The following ABCA12 variants were observed in gnomAD, a reference collection of about 807,000 sequenced individuals.
The protein encoded by ABCA12 is glucosylceramide transporter ABCA12.
ABCA12 carries 156 observed loss-of-function variants against 293.5 expected under a neutral mutation model. The ratio of observed to expected loss-of-function variants is 0.53; its 90% confidence interval spans 0.47 to 0.61. The LOEUF (loss-of-function observed/expected upper bound fraction) is 0.61, where lower values mean the gene tolerates loss of function less well. Among genes scored for constraint, ABCA12 ranks in the 20% least tolerant of loss-of-function variants. The probability of loss-of-function intolerance (pLI) is 0.00; values close to 1 mark genes in which losing one functional copy is unlikely to be tolerated. For synonymous variants in ABCA12, 1,063 were observed against 1,108.0 expected (o/e 0.96, Z 0.81); for missense variants, 2,797 against 3,090.2 (o/e 0.91, Z 2.25).
intron 22 of ABCA12, 73 bp downstream of exon 22, chr2:215,000,632 T>G (rs1186172875): frequency 6.4e-7 from 1 of 1,559,018 alleles, no homozygotes; most frequent in Non-Finnish European, 8.8e-7. Flanking sequence ...GTAATACATC[T>G]GAATGAATGG....
At chr2:215,054,228 C>A (rs116975860) in intron 4 of ABCA12, among the ~76,000 whole-genome samples, 1,830 of 152,122 alleles carry the variant, frequency 0.012, 22 homozygotes, top group East Asian at 0.038. Context: ...CTCTGAGATT[C>A]TTTCCAAAAA....
rs1701007599 is a variant in ABCA12 at position 215,036,963 on chromosome 2, G to A, written c.975C>T (p.Ser325=). Residue 325 remains serine (S), a synonymous_variant, in exon 8 of 53, where the codon TCC becomes TCT. Transcript: ENST00000272895. ...ATGGAAATATAATACCTTGAGCTGG[G>A]GAGTCCAGAGTGTACAGCAGATGTT... is the stretch of plus-strand genomic sequence containing the variant. The part of the protein sequence containing the change: ...SVKHLLYTLD[S]PAQGDSDNIT... The A allele has an allele frequency of 6.2e-7, 1 of 1,613,612 alleles. No individual in the cohort carries two copies. Among genetic ancestry groups the A allele is most frequent in the Non-Finnish European group, 8.5e-7 (1 of 1,179,606 alleles).
chr2:214,968,794 T>A lies in ABCA12; in HGVS notation c.5704A>T (p.Ser1902Cys). The A allele has an allele frequency of 6.2e-7, 1 of 1,613,144 alleles. No individual in the cohort carries two copies. The stretch of plus-strand genomic sequence containing the variant: ...TCTTTTGTCAAAGGCAGCCCAAAAC[T>A]CCAACCTCCATATCTACAGAGAGTA... Reference protein sequence around the residue: ...EFVQKRYGGWSFGLPLTKDLR... With the variant: ...EFVQKRYGGWCFGLPLTKDLR... The change falls in exon 38 of 53, where the codon AGT becomes TGT. Residue 1902 changes from serine (S) to cysteine (C), a missense_variant. Physicochemically the swap from Ser to Cys is moderately radical, Grantham distance 112. Around this residue, in one of 3 missense-constraint regions of ABCA12, gnomAD observed 2,130 missense variants for 2,427.0 expected, o/e 0.88. Coordinates refer to ENST00000272895, the MANE Select transcript of ABCA12 (RefSeq NM_173076.3).
chr2:215,134,336 A>ATATACG (rs1176824372), intron 1 of ABCA12, among the ~76,000 whole-genome samples: 22 of 146,206 alleles, frequency 1.5e-4, no homozygotes, highest in South Asian at 4.3e-4. Flanking sequence ...ATATGTACAT[A>ATATACG]TATATGTATA....
At chr2:215,049,855 T>A in intron 5 of ABCA12, 44 bp from the exon 6 acceptor site, 2 of 1,540,688 alleles carry the variant, frequency 1.3e-6, no homozygotes, top group African/African-American at 2.7e-5. Context: ...TGTTAATAAA[T>A]GTAGATGTTC....
chr2:215,121,570 T>G (rs1702806112), intron 1 of ABCA12, among the ~76,000 whole-genome samples: 1 of 152,180 alleles, frequency 6.6e-6, no homozygotes, highest in Non-Finnish European at 1.5e-5. Flanking sequence ...ATGAGGAACC[T>G]TACTTTCCCA....
In ABCA12 at chr2:214,990,700, A is replaced by C; in HGVS notation, c.3624+2T>G. On this transcript the variant is annotated splice_donor_variant, in intron 24 of 52. Coordinates refer to ENST00000272895, the MANE Select transcript of ABCA12 (RefSeq NM_173076.3). LOFTEE classifies it high-confidence loss of function. The stretch of plus-strand genomic sequence containing the variant: ...ACTCTGCCATTCCAACGGTTGACTT[A>C]CCATGAACACTTTCAATACATAGCT... 1 of 1,613,926 alleles carries C rather than the reference A, an allele frequency of 6.2e-7. No homozygotes were observed. Among genetic ancestry groups the C allele is most frequent in the Non-Finnish European group, 8.5e-7 (1 of 1,179,822 alleles).
rs1326304385 is a variant in ABCA12 at position 214,955,149 on chromosome 2, C to T, written c.6393+53G>A. ...TTATGTAGAATAAATAAAATCTTTCCACCTGGAACATGTTGAAGCTTTTGA... is the reference window on the plus strand; with the variant it reads ...TTATGTAGAATAAATAAAATCTTTCTACCTGGAACATGTTGAAGCTTTTGA... On this transcript the variant is annotated intron_variant, in intron 43 of 52. Coordinates refer to ENST00000272895, the MANE Select transcript of ABCA12 (RefSeq NM_173076.3). 1.9e-6 allele frequency: 3 copies of T among 1,584,118 alleles called. No homozygotes were observed. The African/African-American group carries it at 4.0e-5, about 21-fold the overall frequency.
At chr2:214,963,520 T>C (rs927493381) in intron 39 of ABCA12, among the ~76,000 whole-genome samples, 2 of 149,430 alleles carry the variant, frequency 1.3e-5, no homozygotes, top group Non-Finnish European at 1.5e-5. Context: ...GCTAAAATTA[T>C]TCCAAATAAT....
intron 1 of ABCA12, among the ~76,000 whole-genome samples, chr2:215,117,554 A>G (rs879753868): frequency 3.1e-4 from 47 of 152,316 alleles, no homozygotes; most frequent in Admixed American, 3.0e-3. Flanking sequence ...ACAAATTTCA[A>G]AAACCCGATG....
intron 3 of ABCA12, among the ~76,000 whole-genome samples, chr2:215,056,558 C>T (rs948089546): frequency 3.3e-5 from 5 of 151,990 alleles, no homozygotes; most frequent in African/African-American, 9.7e-5. Context: ...ATCATGTGTG[C>T]TTTCCTCTTC....
At position 215,017,812 on chromosome 2, in the gene ABCA12, G is replaced by T. The variant is rs1284235128; in HGVS notation, c.1782+196C>A. On this transcript the variant is annotated intron_variant, in intron 14 of 52. Transcript: ENST00000272895. Reference sequence around the variant, plus strand: ...GACAAGGAAAAATAAAGAGAAAAGGGACACATAGTGATAAAATTCTTGCTT... The same window carrying T: ...GACAAGGAAAAATAAAGAGAAAAGGTACACATAGTGATAAAATTCTTGCTT... The T allele has an allele frequency of 1.4e-5, 9 of 656,976 alleles. No individual in the cohort carries two copies. The Admixed American group carries it at 2.3e-4, about 17-fold the overall frequency. The allele number at this position is 656,976 out of a possible 1,614,324, so 40.7% of individuals were successfully genotyped here.
intron 40 of ABCA12, 42 bp downstream of exon 40, chr2:214,958,982 T>A: frequency 6.3e-7 from 1 of 1,576,336 alleles, no homozygotes; most frequent in Non-Finnish European, 8.7e-7. Flanking sequence ...AAGGCTCAGC[T>A]ATGTCAAGGA....
intron 39 of ABCA12, among the ~76,000 whole-genome samples, chr2:214,963,811 T>C (rs1343804765): frequency 1.3e-5 from 2 of 149,644 alleles, no homozygotes; most frequent in Admixed American, 6.8e-5. Context: ...TCCCACCTAC[T>C]TGGGAGGCTG....
chr2:214,954,044 CA>C lies in ABCA12; in HGVS notation c.6456del (p.Phe2152LeufsTer5), dbSNP rs1698864577. Reference protein sequence around the residue: ...RIFLIFPQFCFGYGLIELSQQ... With the variant: ...RIFLIFPQFCXGYGLIELSQQ... ...TGAGAAAGTTCAATCAAACCGTAGC[CA>C]AAACAGAATTGTGGGAAAATCAGGA... On this transcript the variant is annotated frameshift_variant, in exon 44 of 53. Coordinates refer to ENST00000272895, the MANE Select transcript of ABCA12 (RefSeq NM_173076.3). LOFTEE classifies it high-confidence loss of function. 6.2e-7 allele frequency: 1 copy of C among 1,613,720 alleles called. No individual in the cohort carries two copies. The highest frequency in any genetic ancestry group is 8.5e-7 in the Non-Finnish European group (1 of 1,179,952).
intron 41 of ABCA12, among the ~76,000 whole-genome samples, chr2:214,957,322 G>T (rs566378856): frequency 5.9e-5 from 9 of 152,278 alleles, no homozygotes; most frequent in African/African-American, 2.2e-4. Context: ...TGAGGAGTTT[G>T]CAGGAAGATG....
intron 44 of ABCA12, among the ~76,000 whole-genome samples, chr2:214,952,322 G>A (rs1698805024): frequency 6.6e-6 from 1 of 151,540 alleles, no homozygotes; most frequent in African/African-American, 2.4e-5. Flanking sequence ...CTGGGTTCAA[G>A]CAATTCTCGT....
intron 4 of ABCA12, 91 bp from the exon 5 acceptor site, chr2:215,052,675 C>CTGTTTA (rs1701344267): frequency 9.5e-7 from 1 of 1,052,890 alleles, no homozygotes; most frequent in Non-Finnish European, 1.5e-6. Context: ...CACTTGTGAC[C>CTGTTTA]TCATATACCC....
At chr2:214,992,069 C>G (rs1277466269) in intron 23 of ABCA12, among the ~76,000 whole-genome samples, 1 of 151,778 alleles carries the variant, frequency 6.6e-6, no homozygotes, top group Non-Finnish European at 1.5e-5. Flanking sequence ...TTTAAAGTCC[C>G]CTGGACCTTG....
Sources: allele counts gnomAD v4.1 joint callset (sites outside exome capture counted in the v4.1 genomes callset), GRCh38; gene constraint gnomAD v4.1.1; regional missense constraint gnomAD v4.1.1; transcripts MANE v1.5; gene names NCBI Gene and HGNC (gene_info 2026-07-23, HGNC 2026-07-21).